PLEKHG5: variants seen among roughly 807,000 people sequenced by gnomAD.
PLEKHG5 encodes the protein pleckstrin homology domain-containing family G member 5.
Under a neutral mutation model 103.8 loss-of-function variants are expected in PLEKHG5, and 52 were observed. That is an observed-to-expected ratio of 0.50 (90% CI 0.40 to 0.63). PLEKHG5 has a LOEUF of 0.63. Ranked by LOEUF, PLEKHG5 falls within the 30% of genes least tolerant of loss-of-function variation. The pLI, the probability that PLEKHG5 is intolerant of heterozygous loss-of-function variation, is 0.00. For synonymous variants in PLEKHG5, 592 were observed against 575.5 expected (o/e 1.03, Z -0.41); for missense variants, 1,205 against 1,347.6 (o/e 0.89, Z 1.66).
At chr1:6,474,927 C>T (rs1490490912) in intron 5 of PLEKHG5, 120 bp downstream of exon 5, 8 of 792,440 alleles carry the variant, frequency 1.0e-5, no homozygotes, top group African/African-American at 3.4e-5. Context: ...CGCAGGGATG[C>T]GCTCGCTCAC....
chr1:6,467,642 C>T, intron 20 of PLEKHG5, 70 bp from the exon 21 acceptor site: 1 of 1,546,754 alleles, frequency 6.5e-7, no homozygotes, highest in South Asian at 1.1e-5. Context: ...GTCACCCTCT[C>T]TTCCCCACGG....
At chr1:6,485,755 G>C (rs951085780) in intron 1 of PLEKHG5, 2 of 459,264 alleles carry the variant, frequency 4.4e-6, no homozygotes, top group Non-Finnish European at 5.7e-6. Flanking sequence ...CTGCCCGGCC[G>C]GGGGACCCCC....
rs1645146892 is a variant in PLEKHG5, at chr1:6,491,271, G to A, written c.-88+366C>T. On this transcript the variant is annotated intron_variant, in intron 1 of 20. Coordinates refer to ENST00000377728, the MANE Select transcript of PLEKHG5 (RefSeq NM_020631.6). This position sits in a 1 kb window ranked among gnomAD's most constrained non-coding sequence, Gnocchi z 4.1. ...AGGTGGAGTTCAGGTCCACCAACCT[G>A]TTCCGCACTTTCAAGCTTTTTATAC... is the stretch of plus-strand genomic sequence containing the variant. Among the ~76,000 whole-genome samples the A allele has an allele frequency of 6.6e-6, 1 of 152,038 alleles. No homozygotes were observed. The highest frequency in any genetic ancestry group is 1.5e-5 in the Non-Finnish European group (1 of 68,000).
chr1:6,504,483 C>A (rs991169494), intron 1 of PLEKHG5, among the ~76,000 whole-genome samples: 9 of 152,196 alleles, frequency 5.9e-5, no homozygotes, highest in Non-Finnish European at 1.2e-4. Context: ...CAGTGGGGGG[C>A]TGGTCACAGG....
intron 3 of PLEKHG5, 82 bp from the exon 4 acceptor site, chr1:6,475,604 C>G: frequency 8.3e-7 from 1 of 1,199,084 alleles, no homozygotes; most frequent in East Asian, 2.3e-5. Flanking sequence ...TGTGGCCTCC[C>G]CGCCCTTGGC....
Position 6,470,516 on chromosome 1 carries a change from T to G in PLEKHG5, c.1670A>C (p.Glu557Ala), listed in dbSNP as rs1201287291. ...AYEVVESSSD[E>A]VDKLLKEFLH... ...GACACACACGCCCACCTTGTCCACT[T>G]CGTCGCTGCTGCTTTCCACCACCTC... Residue 557 changes from glutamate to alanine, a missense_variant, in exon 15 of 21, where the codon GAA becomes GCA. Transcript: ENST00000377728. The G allele has an allele frequency of 6.2e-7, 1 of 1,609,624 alleles. No individual in the cohort carries two copies. The highest frequency in any genetic ancestry group is 8.5e-7 in the Non-Finnish European group (1 of 1,179,920).
rs181043797 is a variant in PLEKHG5 at position 6,519,937 on chromosome 1, C to T, written c.-657G>A. On this transcript the variant is annotated 5_prime_UTR_variant, in exon 1 of 22. Transcript: ENST00000377740. Reference sequence around the variant, plus strand: ...CAGGAAAGCAACACCACAGAGACCCCGGCCTCTGCAATCCCAGCAGCCAGC... The same window carrying T: ...CAGGAAAGCAACACCACAGAGACCCTGGCCTCTGCAATCCCAGCAGCCAGC... 1,232 of 275,808 alleles carry T rather than the reference C, an allele frequency of 4.5e-3. 6 individuals carry two copies. The highest frequency in any genetic ancestry group is 6.4e-3 in the Non-Finnish European group (905 of 141,826). The allele number at this position is 275,808 out of a possible 1,614,324, so 17.1% of individuals were successfully genotyped here.
At chr1:6,516,862 ATGTG>A (rs372208282) in intron 1 of PLEKHG5, among the ~76,000 whole-genome samples, 13 of 24,294 alleles carry the variant, frequency 5.4e-4, no homozygotes, top group Non-Finnish European at 1.0e-3. Flanking sequence ...GTGTGTATAT[ATGTG>A]TATATATATA....
In PLEKHG5 at chr1:6,467,581, T is replaced by C; in HGVS notation, c.3012-9A>G. On this transcript the variant is annotated splice_polypyrimidine_tract_variant and intron_variant, in intron 20 of 20. Transcript: ENST00000377728. ...CCTCTGCTCAGACCTCCCTACAGGGTGGGGAGGGGACAGAGTCCTTCTTTG... is the reference window on the plus strand; with the variant it reads ...CCTCTGCTCAGACCTCCCTACAGGGCGGGGAGGGGACAGAGTCCTTCTTTG... The C allele has an allele frequency of 6.2e-7, 1 of 1,613,052 alleles. No homozygotes were observed. Among genetic ancestry groups the C allele is most frequent in the Non-Finnish European group, 8.5e-7 (1 of 1,179,566 alleles).
rs747777905 is a variant in PLEKHG5 at position 6,467,513 on chromosome 1, G to A, written c.*50C>T. The A allele has an allele frequency of 6.3e-7, 1 of 1,596,186 alleles. No homozygotes were observed. Among genetic ancestry groups the A allele is most frequent in the East Asian group, 2.2e-5 (1 of 44,766 alleles). ...AGGTGCCGGCACGCCCCAGGAGGCA[G>A]GCTGTCTGCTGTCTCTTGGTCAATG... On this transcript the variant is annotated 3_prime_UTR_variant, in exon 21 of 21. Transcript: ENST00000377728.
At chr1:6,485,572 G>A in intron 1 of PLEKHG5, 3 of 910,474 alleles carry the variant, frequency 3.3e-6, no homozygotes, top group Non-Finnish European at 4.3e-6. Flanking sequence ...GCCCGGAACA[G>A]CCCCCAGCCC....
At chr1:6,502,050 C>T (rs980958996) in intron 1 of PLEKHG5, among the ~76,000 whole-genome samples, 1 of 152,276 alleles carries the variant, frequency 6.6e-6, no homozygotes, top group African/African-American at 2.4e-5. Context: ...TGAGCCCCAC[C>T]CTCCTGGGCG....
chr1:6,473,946 G>T, intron 7 of PLEKHG5, 67 bp downstream of exon 7: 1 of 1,458,384 alleles, frequency 6.9e-7, no homozygotes, highest in Non-Finnish European at 9.4e-7. Flanking sequence ...CTGCCTCTGA[G>T]GAGGGGCTGT....
intron 1 of PLEKHG5, among the ~76,000 whole-genome samples, chr1:6,480,221 C>T (rs1231627602): frequency 2.0e-5 from 3 of 151,954 alleles, no homozygotes; most frequent in African/African-American, 7.3e-5. Context: ...TGACAAAACC[C>T]CATCTCTACT....
rs1480929171 is a variant in PLEKHG5, at chr1:6,491,578, G to T, written c.-88+59C>A. 3 of 879,942 alleles carry T rather than the reference G, an allele frequency of 3.4e-6. No homozygotes were observed. The highest frequency in any genetic ancestry group is 1.8e-5 in the African/African-American group (1 of 54,658). 54.5% of individuals were successfully genotyped at this position (879,942 alleles called of 1,614,324 possible). On this transcript the variant is annotated intron_variant, in intron 1 of 20. Coordinates refer to ENST00000377728, the MANE Select transcript of PLEKHG5 (RefSeq NM_020631.6). This position sits in a 1 kb window ranked among gnomAD's most constrained non-coding sequence, Gnocchi z 4.1. ...ATTCCCTGGGGCATCCTGGTCTGCC[G>T]CTGCTCACCCCCAAAGCATTGCCCA...
At chr1:6,519,662 T>A in exon 1 of PLEKHG5, 1 of 699,880 alleles carries the variant, frequency 1.4e-6, no homozygotes, top group Non-Finnish European at 2.6e-6. Flanking sequence ...GCCCCAGTCT[T>A]AATTTCTGCA....
chr1:6,485,569 A>T (rs1645012810), intron 1 of PLEKHG5: 2 of 952,940 alleles, frequency 2.1e-6, no homozygotes, highest in Non-Finnish European at 2.7e-6. Flanking sequence ...CGGGCCCGGA[A>T]CAGCCCCCAG....
At chr1:6,510,330 C>G (rs1274991947) in intron 1 of PLEKHG5, among the ~76,000 whole-genome samples, 1 of 151,806 alleles carries the variant, frequency 6.6e-6, no homozygotes, top group Non-Finnish European at 1.5e-5. Context: ...CAGTGGCTCA[C>G]GCCTGTAATC....
chr1:6,481,541 A>G (rs994608444), intron 1 of PLEKHG5, among the ~76,000 whole-genome samples: 1 of 89,496 alleles, frequency 1.1e-5, no homozygotes, highest in East Asian at 4.0e-4. Context: ...ATAAATAAAT[A>G]AATAAATAAA....
Sources: allele counts gnomAD v4.1 joint callset (sites outside exome capture counted in the v4.1 genomes callset), GRCh38; gene constraint gnomAD v4.1.1; non-coding constraint Gnocchi (gnomAD v3.1); transcripts MANE v1.5; gene names NCBI Gene and HGNC (gene_info 2026-07-23, HGNC 2026-07-21).